Variants in TNRC6A observed in about 807,000 individuals in gnomAD.
The protein encoded by TNRC6A is trinucleotide repeat-containing gene 6A protein.
In TNRC6A, 44 loss-of-function variants were observed where a neutral mutation model predicts 221.2. The ratio of observed to expected loss-of-function variants is 0.20; its 90% CI spans 0.16 to 0.26. The LOEUF is 0.26. Among genes scored for constraint, TNRC6A ranks in the 10% least tolerant of loss-of-function variants. The probability of loss-of-function intolerance (pLI) is 1.00; values close to 1 mark genes in which losing one functional copy is unlikely to be tolerated. For synonymous variants in TNRC6A, 847 were observed against 838.5 expected (o/e 1.01, Z -0.18); for missense variants, 2,199 against 2,404.4 (o/e 0.91, Z 1.79).
chr16:24,792,366 CCAA>C (rs1022082577), intron 6 of TNRC6A, among the ~76,000 whole-genome samples: 2 of 152,036 alleles, frequency 1.3e-5, no homozygotes, highest in Non-Finnish European at 2.9e-5. Context: ...GCAAATTTTC[CCAA>C]CAACATTTTT....
upstream of TNRC6A, among the ~76,000 whole-genome samples, chr16:24,729,435 C>T (rs1000731814): frequency 6.6e-6 from 1 of 151,186 alleles, no homozygotes; most frequent in African/African-American, 2.4e-5. Flanking sequence ...CCGGCCGCAC[C>T]GAAAAAGGTT....
chr16:24,787,406 G>T (rs1384507122), intron 5 of TNRC6A, among the ~76,000 whole-genome samples: 3 of 152,072 alleles, frequency 2.0e-5, no homozygotes, highest in Non-Finnish European at 4.4e-5. Flanking sequence ...TGCAAGTGAA[G>T]GTAATACCTA....
intron 2 of TNRC6A, among the ~76,000 whole-genome samples, chr16:24,649,848 A>G (rs1285838688): frequency 6.6e-5 from 6 of 90,298 alleles, no homozygotes; most frequent in Non-Finnish European, 9.9e-5. Flanking sequence ...TTTTTTGGAG[A>G]TGGAACCTAG....
intron 1 of TNRC6A, among the ~76,000 whole-genome samples, chr16:24,611,656 A>T (rs1436356335): frequency 6.6e-6 from 1 of 152,206 alleles, no homozygotes; most frequent in African/African-American, 2.4e-5. Flanking sequence ...GCAGCATGTG[A>T]GCGATTTAGT....
chr16:24,726,362 C>CAAAAA (rs58809989), upstream of TNRC6A, among the ~76,000 whole-genome samples: 4 of 134,594 alleles, frequency 3.0e-5, no homozygotes, highest in African/African-American at 2.8e-5. Flanking sequence ...CAAAAGATAC[C>CAAAAA]AAAAAAAAAA....
intron 2 of TNRC6A, among the ~76,000 whole-genome samples, chr16:24,651,175 T>A (rs1902621888): frequency 7.2e-6 from 1 of 139,612 alleles, no homozygotes; most frequent in Admixed American, 7.2e-5. Flanking sequence ...ATCCACCAAC[T>A]GGGTATGGCA....
intron 2 of TNRC6A, among the ~76,000 whole-genome samples, chr16:24,651,867 C>G (rs1902685446): frequency 6.7e-6 from 1 of 149,700 alleles, no homozygotes; most frequent in Admixed American, 6.7e-5. Context: ...TGATGGCTCC[C>G]AAGGGAGGAT....
At position 24,806,009 on chromosome 16, in the gene TNRC6A, G is replaced by T. The variant is rs562766420; in HGVS notation, c.4252-197G>T. Among the ~76,000 whole-genome samples the T allele has an allele frequency of 6.6e-5, 10 of 152,294 alleles. No individual in the cohort carries two copies. In the South Asian group the frequency reaches 2.1e-3, roughly 32 times the overall value. ...GTTTCTCTGTTGAAGTGAAAGTTTAGATTGAACTAAAGACTGAATTTCAGC... is the reference window on the plus strand; with the variant it reads ...GTTTCTCTGTTGAAGTGAAAGTTTATATTGAACTAAAGACTGAATTTCAGC... On this transcript the variant is annotated intron_variant, in intron 15 of 24. Transcript: ENST00000395799.
At chr16:24,710,540 A>G (rs2056185118) in intron 2 of TNRC6A, among the ~76,000 whole-genome samples, 1 of 152,208 alleles carries the variant, frequency 6.6e-6, no homozygotes, top group African/African-American at 2.4e-5. Context: ...GGAGCAGCAC[A>G]GGGCTAATGC....
chr16:24,729,952 C>G, intron 1 of TNRC6A, 106 bp downstream of exon 1: 1 of 1,039,690 alleles, frequency 9.6e-7, no homozygotes, highest in Non-Finnish European at 1.2e-6. Flanking sequence ...CGGGCGTCCC[C>G]GAGACTTCGG....
At chr16:24,612,583 CA>C (rs1819664638) in intron 1 of TNRC6A, among the ~76,000 whole-genome samples, 1 of 142,042 alleles carries the variant, frequency 7.0e-6, no homozygotes, top group Admixed American at 7.2e-5. Context: ...CTCATCTCTA[CA>C]AAAAATACAA....
At chr16:24,675,675 T>TCTCTCC (rs2055396525) in intron 2 of TNRC6A, among the ~76,000 whole-genome samples, 1 of 72,500 alleles carries the variant, frequency 1.4e-5, no homozygotes, top group Non-Finnish European at 2.6e-5. Context: ...TCTCTCTCTC[T>TCTCTCC]CTCTCTCTCT....
chr16:24,756,374 C>T (rs1366940921), intron 3 of TNRC6A, among the ~76,000 whole-genome samples: 1 of 152,108 alleles, frequency 6.6e-6, no homozygotes, highest in African/African-American at 2.4e-5. Context: ...GTCTCCAGAC[C>T]AGCCCGCAAA....
intron 2 of TNRC6A, among the ~76,000 whole-genome samples, chr16:24,701,886 C>T (rs1211176499): frequency 6.6e-6 from 1 of 152,146 alleles, no homozygotes; most frequent in East Asian, 1.9e-4. Context: ...AATTCTTCCA[C>T]ATGGACTTTG....
chr16:24,778,363 G>A (rs753083333), intron 5 of TNRC6A: 271 of 984,320 alleles, frequency 2.8e-4, no homozygotes, highest in Non-Finnish European at 3.2e-4. Context: ...AGCAGATCCT[G>A]GACTCACATC....
chr16:24,641,630 A>T (rs929787173), intron 2 of TNRC6A, among the ~76,000 whole-genome samples: 1 of 152,254 alleles, frequency 6.6e-6, no homozygotes, highest in African/African-American at 2.4e-5. Context: ...GGATGTTCTT[A>T]AGCCCAGTAT....
intron 2 of TNRC6A, among the ~76,000 whole-genome samples, chr16:24,669,232 T>C (rs966933174): frequency 6.6e-6 from 1 of 152,242 alleles, no homozygotes; most frequent in Non-Finnish European, 1.5e-5. Context: ...TGGCGGGGCA[T>C]TCACACTTAT....
intron 2 of TNRC6A, among the ~76,000 whole-genome samples, chr16:24,690,027 A>AAT (rs2055723782): frequency 1.2e-5 from 1 of 86,952 alleles, no homozygotes; most frequent in Non-Finnish European, 2.4e-5. Context: ...AAAAAAAAAA[A>AAT]TTTTTTTTTT....
At chr16:24,676,083 A>T (rs1380725999) in intron 2 of TNRC6A, among the ~76,000 whole-genome samples, 1 of 151,954 alleles carries the variant, frequency 6.6e-6, no homozygotes, top group African/African-American at 2.4e-5. Context: ...TTTAATTCTG[A>T]TAATGCCTCA....
Sources: gnomAD v4.1 joint callset for allele counts (sites outside exome capture counted in the v4.1 genomes callset) on GRCh38, gnomAD v4.1.1 for gene constraint, MANE v1.5 for transcripts, NCBI Gene and HGNC (gene_info 2026-07-23, HGNC 2026-07-21) for gene names.